Variants in FHOD1 observed in about 807,000 individuals in gnomAD.
FHOD1 encodes the protein FH1/FH2 domain-containing protein 1.
FHOD1 carries 89 observed loss-of-function variants against 111.6 expected under a neutral mutation model. That is an observed-to-expected ratio of 0.80 (90% confidence interval 0.67 to 0.95). The LOEUF (loss-of-function observed/expected upper bound fraction) is 0.95, where lower values mean the gene tolerates loss of function less well. Among genes scored for constraint, FHOD1 ranks in the 40% least tolerant of loss-of-function variants. FHOD1 has a pLI of 0.00. For missense variants in FHOD1, 1,446 were observed against 1,554.2 expected (o/e 0.93, Z 1.17); for synonymous variants, 618 against 639.0 (o/e 0.97, Z 0.50).
chr16:67,230,974 G>C, intron 17 of FHOD1, 183 bp from the exon 18 acceptor site: 2 of 834,082 alleles, frequency 2.4e-6, no homozygotes, highest in Non-Finnish European at 3.7e-6. Flanking sequence ...GGTTTACTGG[G>C]GGAAGTGGCA....
Position 67,236,639 on chromosome 16 carries a change from C to A in FHOD1, c.1237G>T (p.Gly413Cys). The A allele has an allele frequency of 6.2e-7, 1 of 1,612,878 alleles. No homozygotes were observed. Among genetic ancestry groups the A allele is most frequent in the Non-Finnish European group, 8.5e-7 (1 of 1,179,596 alleles). ...PASSPVGPPS[G>C]LQASVNLFPT... ...AAAAGGTTCACTGAAGCTTGGAGACCGGAGGGAGGGCCCACAGGGCTGGAG... is the reference window on the plus strand; with the variant it reads ...AAAAGGTTCACTGAAGCTTGGAGACAGGAGGGAGGGCCCACAGGGCTGGAG... Residue 413 changes from glycine to cysteine, a missense_variant, in exon 11 of 22, where the codon GGT becomes TGT. Gly to Cys is a radical substitution (Grantham distance 159, BLOSUM62 -3). Coordinates refer to ENST00000258201, the MANE Select transcript of FHOD1 (RefSeq NM_013241.3).
In FHOD1 at chr16:67,237,432, G is replaced by A. The variant is rs767783146; in HGVS notation, c.849+43C>T. 1.9e-6 allele frequency: 3 copies of A among 1,613,792 alleles called. No individual in the cohort carries two copies. The highest frequency in any genetic ancestry group is 4.5e-5 in the East Asian group (2 of 44,884). ...AGGCTGAGGTTGGTGGGGAGGTCAG[G>A]AGCCTGAGCATCCCAGAGCTGGCAC... On this transcript the variant is annotated intron_variant, in intron 8 of 21. Transcript: ENST00000258201. This position sits in a 1 kb window ranked among gnomAD's most constrained non-coding sequence, Gnocchi z 5.6.
At chr16:67,243,176 A>C (rs2034714541) in intron 1 of FHOD1, among the ~76,000 whole-genome samples, 1 of 152,042 alleles carries the variant, frequency 6.6e-6, no homozygotes, top group Non-Finnish European at 1.5e-5. Context: ...TTAGAAAATA[A>C]TTGGTTAACT....
At chr16:67,236,142 G>A (rs1355709434) in intron 11 of FHOD1, 5 of 654,782 alleles carry the variant, frequency 7.6e-6, no homozygotes, top group East Asian at 1.4e-4. Context: ...CCCACACAGA[G>A]CTAGGCAGTG....
rs903047708 is a variant in FHOD1, at chr16:67,234,507, C to T, written c.1320-35G>A. The T allele has an allele frequency of 3.3e-6, 5 of 1,532,566 alleles. No individual in the cohort carries two copies. The African/African-American group carries it at 6.9e-5, about 21-fold the overall frequency. 94.9% of individuals were successfully genotyped at this position (1,532,566 alleles called of 1,614,324 possible). A position where few individuals can be genotyped will look rare whatever the true frequency, so the allele number is the denominator to read the frequency against. On this transcript the variant is annotated intron_variant, in intron 11 of 21. Transcript: ENST00000258201. ...GGTGCTTGTCACTGACAGCGTCTGA[C>T]ACACCCCAGCCCAGGTGTACATGCC... is the stretch of plus-strand genomic sequence containing the variant.
chr16:67,237,789 A>G lies in FHOD1; in HGVS notation c.643-21T>C, dbSNP rs374066101. The stretch of plus-strand genomic sequence containing the variant: ...CGGGACTGAGGAGAGAGGTCAGTAC[A>G]TATGAGTGGGGCTTAGGCCAGACCT... On this transcript the variant is annotated intron_variant, in intron 6 of 21. Coordinates refer to ENST00000258201, the MANE Select transcript of FHOD1 (RefSeq NM_013241.3). The surrounding 1 kb of genome is among the most constrained non-coding windows in gnomAD (Gnocchi z 5.6). The G allele has an allele frequency of 1.9e-6, 3 of 1,601,454 alleles. No individual in the cohort carries two copies. The highest frequency in any genetic ancestry group is 1.3e-5 in the African/African-American group (1 of 74,668).
Position 67,229,920 on chromosome 16 carries a change from T to C in FHOD1, c.3285A>G (p.Pro1095=). The C allele has an allele frequency of 4.3e-6, 7 of 1,614,140 alleles. No individual in the cohort carries two copies. Among genetic ancestry groups the C allele is most frequent in the Non-Finnish European group, 5.9e-6 (7 of 1,180,018 alleles). The change falls in exon 21 of 22, where the codon CCA becomes CCG. Residue 1095 remains proline (P), a synonymous_variant. Coordinates refer to ENST00000258201, the MANE Select transcript of FHOD1 (RefSeq NM_013241.3). Reference sequence around the variant, plus strand: ...ATGTATCACTGGGTAAACTGGAGCCTGGGGGTTCTTCTGGGGATGCAGTGG... The same window carrying C: ...ATGTATCACTGGGTAAACTGGAGCCCGGGGGTTCTTCTGGGGATGCAGTGG... ...GPSTASPEEP[P]GSSLPSDTSD... is the part of the protein sequence containing the mutation.
intron 1 of FHOD1, chr16:67,246,933 G>A (rs1389875343): frequency 4.4e-6 from 2 of 458,660 alleles, no homozygotes; most frequent in Non-Finnish European, 7.7e-6. Context: ...CTGGCAGACC[G>A]ACGGCGAGTG....
At chr16:67,239,308 G>A (rs544861419) in intron 2 of FHOD1, 40 bp downstream of exon 2, 2 of 1,499,952 alleles carry the variant, frequency 1.3e-6, no homozygotes, top group East Asian at 2.3e-5. Flanking sequence ...CCTGGCAAGG[G>A]TGGGGGTAAC....
rs764586981 is a variant in FHOD1, at chr16:67,230,507, C to T, written c.2859-1G>A. On this transcript the variant is annotated splice_acceptor_variant, in intron 18 of 21. Transcript: ENST00000258201. LOFTEE classifies it high-confidence loss of function. ...CAGGTAGAGCAGGAAGGCATGGAAC[C>T]TAGGCAGGTCAGAGTAGGGAGGGAC... 6.2e-7 allele frequency: 1 copy of T among 1,614,196 alleles called. No homozygotes were observed. The highest frequency in any genetic ancestry group is 8.5e-7 in the Non-Finnish European group (1 of 1,179,992).
intron 1 of FHOD1, among the ~76,000 whole-genome samples, chr16:67,245,880 C>A (rs2034802859): frequency 6.6e-6 from 1 of 152,178 alleles, no homozygotes; most frequent in South Asian, 2.1e-4. Context: ...GAAGCGGGAA[C>A]CAGTCTTAGT....
rs773518156 is a variant in FHOD1, at chr16:67,238,462, G to A, written c.374-15C>T. On this transcript the variant is annotated splice_polypyrimidine_tract_variant and intron_variant, in intron 3 of 21. Transcript: ENST00000258201. The surrounding 1 kb of genome is among the most constrained non-coding windows in gnomAD (Gnocchi z 4.2). Reference sequence around the variant, plus strand: ...ATACAGCTTTTCTGCAAAAGGTAGGGTATAAAACCCTTGATGGACACAGAC... The same window carrying A: ...ATACAGCTTTTCTGCAAAAGGTAGGATATAAAACCCTTGATGGACACAGAC... The A allele has an allele frequency of 6.2e-7, 1 of 1,611,278 alleles. No homozygotes were observed. Among genetic ancestry groups the A allele is most frequent in the South Asian group, 1.1e-5 (1 of 90,550 alleles).
At chr16:67,236,006 C>G in intron 11 of FHOD1, 2 of 978,716 alleles carry the variant, frequency 2.0e-6, no homozygotes, top group East Asian at 2.3e-4. Flanking sequence ...AGGCCGGCCT[C>G]TGTACTTACT....
intron 1 of FHOD1, among the ~76,000 whole-genome samples, chr16:67,243,313 G>A (rs556486817): frequency 2.6e-5 from 4 of 152,198 alleles, no homozygotes; most frequent in Non-Finnish European, 5.9e-5. Flanking sequence ...GCCTTGGGGA[G>A]GGAAATCCAC....
rs1430355671 is a variant in FHOD1 at position 67,247,368 on chromosome 16, C to T, written c.43G>A (p.Val15Met). 3 of 1,613,418 alleles carry T rather than the reference C, an allele frequency of 1.9e-6. No homozygotes were observed. The highest frequency in any genetic ancestry group is 2.2e-5 in the East Asian group (1 of 44,858). The change falls in exon 1 of 22, where the codon GTG becomes ATG. Residue 15 changes from valine to methionine, a missense_variant. By Grantham distance (21) the Val-to-Met change is conservative. This residue lies in a region of FHOD1 where 127 missense variants were observed against 118.0 expected (regional missense o/e 1.08). Coordinates refer to ENST00000258201, the MANE Select transcript of FHOD1 (RefSeq NM_013241.3). ...EDRGDGEPVS[V>M]VTVRVQYLED... ...AGGTACTGCACCCTCACGGTCACCACTGATACCGGCTCTCCGTCCCCGCGG... is the reference window on the plus strand; with the variant it reads ...AGGTACTGCACCCTCACGGTCACCATTGATACCGGCTCTCCGTCCCCGCGG...
In FHOD1 at chr16:67,247,401, C is replaced by G; in HGVS notation, c.10G>C (p.Gly4Arg). 6.2e-7 allele frequency: 1 copy of G among 1,612,652 alleles called. No homozygotes were observed. Among genetic ancestry groups the G allele is most frequent in the Non-Finnish European group, 8.5e-7 (1 of 1,179,576 alleles). MAG[G>R]EDRGDGEPVS... ...GGCTCTCCGTCCCCGCGGTCTTCCC[C>G]GCCCGCCATGGCTCTGCGGCCGGCT... Residue 4 changes from glycine (G) to arginine (R), a missense_variant, in exon 1 of 22, where the codon GGG becomes CGG. By Grantham distance (125) the Gly-to-Arg change is moderately radical. Transcript: ENST00000258201.
intron 11 of FHOD1, among the ~76,000 whole-genome samples, chr16:67,235,529 C>CAA (rs539631946): frequency 0.011 from 783 of 71,582 alleles, 11 homozygotes; most frequent in African/African-American, 0.03. Context: ...GACTCTGTCT[C>CAA]AAAAAAAAAA....
At chr16:67,232,518 CAA>C (rs988902359) in intron 13 of FHOD1, among the ~76,000 whole-genome samples, 3 of 48,624 alleles carry the variant, frequency 6.2e-5, no homozygotes, top group East Asian at 5.7e-4. Flanking sequence ...GACTCTGTCT[CAA>C]AAAAAAAAAA....
chr16:67,236,903 G>C, intron 10 of FHOD1, 63 bp downstream of exon 10: 1 of 1,526,418 alleles, frequency 6.6e-7, no homozygotes, highest in Non-Finnish European at 8.8e-7. Flanking sequence ...GTCAGGGCCT[G>C]TCAGCTCACT....
Sources: allele counts gnomAD v4.1 joint callset (sites outside exome capture counted in the v4.1 genomes callset), GRCh38; gene constraint gnomAD v4.1.1; regional missense constraint gnomAD v4.1.1; non-coding constraint Gnocchi (gnomAD v3.1); transcripts MANE v1.5; gene names NCBI Gene and HGNC (gene_info 2026-07-23, HGNC 2026-07-21).